The following TBC1D16 variants were observed in gnomAD, a reference collection of about 807,000 sequenced individuals.
TBC1D16 encodes the protein TBC1 domain family member 16, also known as CTD-2529O21.1.
Under a neutral mutation model 74.7 loss-of-function variants are expected in TBC1D16, and 58 were observed. The observed-to-expected ratio is 0.78, with a 90% CI of 0.63 to 0.97. The LOEUF is 0.97. Among genes scored for constraint, TBC1D16 ranks in the 50% least tolerant of loss-of-function variants. The pLI is 0.00. For missense variants in TBC1D16, 1,014 were observed against 1,079.5 expected (o/e 0.94, Z 0.85); for synonymous variants, 493 against 474.7 (o/e 1.04, Z -0.50).
rs1363512437 is a variant in TBC1D16 at position 79,940,085 on chromosome 17, T to C, written c.*774A>G. On this transcript the variant is annotated 3_prime_UTR_variant, in exon 12 of 12. Coordinates refer to ENST00000310924, the MANE Select transcript of TBC1D16 (RefSeq NM_019020.4). The surrounding 1 kb of genome is among the most constrained non-coding windows in gnomAD (Gnocchi z 5.4). ...TTAAACAACGCCAAGGAACCTCACG[T>C]AGAAGACCCCCAGCAAAGAAAAAGG... The C allele has an allele frequency of 6.6e-6, 1 of 152,128 alleles. No individual in the cohort carries two copies. The highest frequency in any genetic ancestry group is 1.5e-5 in the Non-Finnish European group (1 of 68,034). The allele number at this position is 152,128 out of a possible 1,614,324, so 9.4% of individuals were successfully genotyped here.
intron 3 of TBC1D16, among the ~76,000 whole-genome samples, chr17:79,989,357 T>C (rs1421779897): frequency 6.6e-6 from 1 of 152,244 alleles, no homozygotes; most frequent in East Asian, 1.9e-4. Context: ...AGCAGAGCCC[T>C]GGGCCTCGGG....
Position 79,950,612 on chromosome 17 carries a change from T to A in TBC1D16, c.1090-34A>T, listed in dbSNP as rs749570794. The A allele has an allele frequency of 6.2e-7, 1 of 1,602,752 alleles. No homozygotes were observed. Among genetic ancestry groups the A allele is most frequent in the South Asian group, 1.1e-5 (1 of 88,776 alleles). ...GAGGAAAACTGGGCAAAGGTCAGGATCTCAGCCGCGCGGCTTCAGAGGCCA... is the reference window on the plus strand; with the variant it reads ...GAGGAAAACTGGGCAAAGGTCAGGAACTCAGCCGCGCGGCTTCAGAGGCCA... On this transcript the variant is annotated intron_variant, in intron 5 of 11. Transcript: ENST00000310924. The surrounding 1 kb of genome is among the most constrained non-coding windows in gnomAD (Gnocchi z 4.6).
chr17:79,949,961 C>A (rs2032910391), intron 6 of TBC1D16, 96 bp from the exon 7 acceptor site: 2 of 1,422,416 alleles, frequency 1.4e-6, no homozygotes, highest in Non-Finnish European at 1.9e-6. Flanking sequence ...GTTTTTGGTG[C>A]GCCTTGATTC....
rs537977666 is a variant in TBC1D16, at chr17:79,950,523, G to A, written c.1145C>T (p.Pro382Leu). 1 of 1,613,362 alleles carries A rather than the reference G, an allele frequency of 6.2e-7. No homozygotes were observed. Among genetic ancestry groups the A allele is most frequent in the Non-Finnish European group, 8.5e-7 (1 of 1,179,922 alleles). The part of the protein sequence containing the change: ...MQFSIRRPKL[P>L]SSETHPEESM... ...CTCCTCGGGGTGCGTCTCGGAGGACGGCAGCTTGGGGCGGCGGATGGAGAA... is the reference window on the plus strand; with the variant it reads ...CTCCTCGGGGTGCGTCTCGGAGGACAGCAGCTTGGGGCGGCGGATGGAGAA... Residue 382 changes from proline to leucine, a missense_variant, in exon 6 of 12, where the codon CCG (proline) becomes CTG (leucine). Physicochemically the swap from Pro to Leu is moderately conservative, Grantham distance 98. Coordinates refer to ENST00000310924, the MANE Select transcript of TBC1D16 (RefSeq NM_019020.4). The surrounding 1 kb of genome is among the most constrained non-coding windows in gnomAD (Gnocchi z 4.6).
chr17:79,948,578 T>A (rs2032761520), intron 8 of TBC1D16, among the ~76,000 whole-genome samples: 1 of 152,052 alleles, frequency 6.6e-6, no homozygotes, highest in Admixed American at 6.6e-5. Flanking sequence ...AGGGGGTGCA[T>A]GGGGAAGCTG....
Position 80,023,232 on chromosome 17 carries a change from T to C in TBC1D16, c.-62-9623A>G, listed in dbSNP as rs1003126328. ...GAAAGCACCTGCAATAAAATACGTT[T>C]TCAGAAATTCACCAGATGTCCCTTC... On this transcript the variant is annotated intron_variant, in intron 1 of 11. Transcript: ENST00000310924. Among the ~76,000 whole-genome samples, 11 of 149,946 alleles carry C rather than the reference T, an allele frequency of 7.3e-5. 1 individual carries two copies. The highest frequency in any genetic ancestry group is 2.8e-4 in the African/African-American group (11 of 39,392).
Position 79,940,924 on chromosome 17 carries a change from TG to T in TBC1D16, c.2238del (p.Lys747SerfsTer3). On this transcript the variant is annotated frameshift_variant, in exon 12 of 12. Coordinates refer to ENST00000310924, the MANE Select transcript of TBC1D16 (RefSeq NM_019020.4). LOFTEE classifies it high-confidence loss of function. The surrounding 1 kb of genome is among the most constrained non-coding windows in gnomAD (Gnocchi z 5.4). Reference protein sequence around the residue: ...PYGGTVEMPSPKSLREGKKGP... With the variant: ...PYGGTVEMPSXKSLREGKKGP... ...CCCTTCTTGCCTTCCCTCAGGGACTTGGGGGAAGGCATCTCCACCGTGCCCC... is the reference window on the plus strand; with the variant it reads ...CCCTTCTTGCCTTCCCTCAGGGACTTGGGGAAGGCATCTCCACCGTGCCCC... 1 of 1,593,478 alleles carries T rather than the reference TG, an allele frequency of 6.3e-7. No homozygotes were observed. Among genetic ancestry groups the T allele is most frequent in the Non-Finnish European group, 8.6e-7 (1 of 1,167,942 alleles).
intron 3 of TBC1D16, among the ~76,000 whole-genome samples, chr17:79,966,062 C>A (rs2033826231): frequency 6.6e-6 from 1 of 152,202 alleles, no homozygotes; most frequent in Non-Finnish European, 1.5e-5. Flanking sequence ...AGGCCACACT[C>A]CCTCTGAAAG....
intron 10 of TBC1D16, 37 bp from the exon 11 acceptor site, chr17:79,942,243 C>T (rs1568566260): frequency 6.4e-7 from 1 of 1,556,186 alleles, no homozygotes; most frequent in Non-Finnish European, 8.7e-7. Flanking sequence ...CGGGCTCTGA[C>T]CGAGCCCCAG....
At chr17:79,952,882 C>T (rs567844650) in intron 3 of TBC1D16, 64 bp from the exon 4 acceptor site, 19 of 1,539,960 alleles carry the variant, frequency 1.2e-5, no homozygotes, top group African/African-American at 9.5e-5. Flanking sequence ...CAGAGGGGGA[C>T]GGGGGTCATG....
rs2033623535 is a variant in TBC1D16, at chr17:79,961,747, CA to C, written c.780-8930del. ...ACGTGGTGGCGGGCGCCTATAATCC[CA>C]GCTACTCGGGAGGCTCAGGCAGGAG... On this transcript the variant is annotated intron_variant, in intron 3 of 11. Coordinates refer to ENST00000310924, the MANE Select transcript of TBC1D16 (RefSeq NM_019020.4). This position sits in a 1 kb window ranked among gnomAD's most constrained non-coding sequence, Gnocchi z 4.8. 6.6e-6 allele frequency among the ~76,000 whole-genome samples: 1 copy of C among 152,128 alleles called. No individual in the cohort carries two copies. Among genetic ancestry groups the C allele is most frequent in the Non-Finnish European group, 1.5e-5 (1 of 68,038 alleles).
At position 79,990,471 on chromosome 17, in the gene TBC1D16, C is replaced by T. The variant is rs564899213; in HGVS notation, c.779+19689G>A. On this transcript the variant is annotated intron_variant, in intron 3 of 11. Coordinates refer to ENST00000310924, the MANE Select transcript of TBC1D16 (RefSeq NM_019020.4). This position sits in a 1 kb window ranked among gnomAD's most constrained non-coding sequence, Gnocchi z 4.8. ...CTGGGGTGGGGACAACCTACACAGG[C>T]TTACAGACCTAATCCAAGAAGGCAG... Among the ~76,000 whole-genome samples the T allele has an allele frequency of 1.6e-4, 24 of 152,338 alleles. No homozygotes were observed. Among genetic ancestry groups the T allele is most frequent in the Admixed American group, 9.8e-4 (15 of 15,308 alleles).
intron 3 of TBC1D16, among the ~76,000 whole-genome samples, chr17:79,965,116 G>A (rs565806564): frequency 8.6e-5 from 13 of 151,508 alleles, no homozygotes; most frequent in Non-Finnish European, 1.2e-4. Flanking sequence ...TTGCTCTGTC[G>A]CCCAGGCTAG....
At position 79,988,644 on chromosome 17, in the gene TBC1D16, A is replaced by AG. The variant is rs2034940111; in HGVS notation, c.779+21515dup. Among the ~76,000 whole-genome samples, 1 of 152,356 alleles carries AG rather than the reference A, an allele frequency of 6.6e-6. No homozygotes were observed. Among genetic ancestry groups the AG allele is most frequent in the Admixed American group, 6.5e-5 (1 of 15,308 alleles). ...CAACTTAACAAATCAACTCCAACAA[A>AG]GGGGAAAAAATTAACATTAAGGGCA... On this transcript the variant is annotated intron_variant, in intron 3 of 11. Transcript: ENST00000310924. This position sits in a 1 kb window ranked among gnomAD's most constrained non-coding sequence, Gnocchi z 5.7.
At chr17:79,999,713 T>G (rs1296338657) in intron 3 of TBC1D16, among the ~76,000 whole-genome samples, 1 of 151,872 alleles carries the variant, frequency 6.6e-6, no homozygotes, top group Non-Finnish European at 1.5e-5. Flanking sequence ...TGGCTAATTT[T>G]AGTACTTTTT....
chr17:79,957,176 G>A (rs1055234989), intron 3 of TBC1D16, among the ~76,000 whole-genome samples: 9 of 152,126 alleles, frequency 5.9e-5, no homozygotes, highest in African/African-American at 1.9e-4. Context: ...GGGCGTGTTC[G>A]GTGTGCTGGG....
At chr17:79,957,753 G>C (rs1344377895) in intron 3 of TBC1D16, among the ~76,000 whole-genome samples, 1 of 151,824 alleles carries the variant, frequency 6.6e-6, no homozygotes, top group Non-Finnish European at 1.5e-5. Context: ...ACTCTGGTGG[G>C]GGAGGCTGTG....
rs1225245949 is a variant in TBC1D16 at position 79,934,840 on chromosome 17, C to T, written c.*6019G>A. 1 of 152,070 alleles carries T rather than the reference C, an allele frequency of 6.6e-6. No individual in the cohort carries two copies. The highest frequency in any genetic ancestry group is 1.5e-5 in the Non-Finnish European group (1 of 68,212). The allele number at this position is 152,070 out of a possible 1,614,324, so 9.4% of individuals were successfully genotyped here. A position where few individuals can be genotyped will look rare whatever the true frequency, so the allele number is the denominator to read the frequency against. On this transcript the variant is annotated 3_prime_UTR_variant, in exon 12 of 12. Coordinates refer to ENST00000310924, the MANE Select transcript of TBC1D16 (RefSeq NM_019020.4). ...AGGTATGTTCCCCTCCAGCCCCCGC[C>T]CCCAGGCAAAAGGGGAAAAGACACA...
rs149690408 is a variant in TBC1D16, at chr17:79,994,927, T to C, written c.779+15233A>G. ...GTATACTGATCCCACATTGGAATGATACTATTTTGAACAAGCTGGGTAATT... is the reference window on the plus strand; with the variant it reads ...GTATACTGATCCCACATTGGAATGACACTATTTTGAACAAGCTGGGTAATT... On this transcript the variant is annotated intron_variant, in intron 3 of 11. Coordinates refer to ENST00000310924, the MANE Select transcript of TBC1D16 (RefSeq NM_019020.4). This position sits in a 1 kb window ranked among gnomAD's most constrained non-coding sequence, Gnocchi z 4.6. 8.4e-3 allele frequency among the ~76,000 whole-genome samples: 1,284 copies of C among 152,370 alleles called. 10 individuals are homozygous for C. Among genetic ancestry groups the C allele is most frequent in the Non-Finnish European group, 0.01 (691 of 68,038 alleles).
Sources: gnomAD v4.1 joint callset for allele counts (sites outside exome capture counted in the v4.1 genomes callset) on GRCh38, gnomAD v4.1.1 for gene constraint, Gnocchi (gnomAD v3.1) non-coding constraint, MANE v1.5 for transcripts, NCBI Gene and HGNC (gene_info 2026-07-23, HGNC 2026-07-21) for gene names.